Variants in CCDC148 observed in about 807,000 individuals in gnomAD.
CCDC148 encodes the protein coiled-coil domain-containing protein 148.
A neutral mutation model predicts 85.7 loss-of-function variants in CCDC148; 89 were observed. The ratio of observed to expected loss-of-function variants is 1.04; its 90% CI spans 0.87 to 1.24. CCDC148 has a LOEUF of 1.24. Ranked by LOEUF, CCDC148 falls within the 50% of genes most tolerant of loss-of-function variation. The pLI is 0.00. For missense variants in CCDC148, 692 were observed against 671.7 expected, an observed-to-expected ratio of 1.03 and a Z score of -0.33; for synonymous variants, 230 against 213.9, an observed-to-expected ratio of 1.08 and a Z score of -0.66.
chr2:158,396,392 G>T (rs547994158), intron 1 of CCDC148, among the ~76,000 whole-genome samples: 1 of 152,122 alleles, frequency 6.6e-6, no homozygotes, highest in Admixed American at 6.6e-5. Context: ...CCCCAACACT[G>T]AGGAAGAATG....
intron 10 of CCDC148, among the ~76,000 whole-genome samples, chr2:158,242,633 G>GTTTT (rs370301211): frequency 3.6e-5 from 5 of 139,068 alleles, no homozygotes; most frequent in Non-Finnish European, 3.1e-5. Flanking sequence ...CCACTCTGTA[G>GTTTT]TTTTTTTTTT....
intron 9 of CCDC148, among the ~76,000 whole-genome samples, chr2:158,307,290 G>A (rs1346070117): frequency 6.6e-6 from 1 of 152,002 alleles, no homozygotes; most frequent in Non-Finnish European, 1.5e-5. Context: ...TCACAAAAGA[G>A]GATACCCAAA....
chr2:158,384,803 C>T (rs1348701081), intron 1 of CCDC148, among the ~76,000 whole-genome samples: 1 of 152,110 alleles, frequency 6.6e-6, no homozygotes, highest in Non-Finnish European at 1.5e-5. Flanking sequence ...GGCTTCTGTG[C>T]CCTATGTCTT....
intron 10 of CCDC148, among the ~76,000 whole-genome samples, chr2:158,245,790 C>A (rs972931587): frequency 6.6e-6 from 1 of 152,074 alleles, no homozygotes; most frequent in African/African-American, 2.4e-5. Flanking sequence ...TACAATAGCT[C>A]CCAGGGATCA....
intron 9 of CCDC148, among the ~76,000 whole-genome samples, chr2:158,300,472 A>C (rs1157372169): frequency 6.6e-6 from 1 of 152,230 alleles, no homozygotes. Flanking sequence ...TAGGGAGAAC[A>C]AAGAGTGTAT....
At chr2:158,332,235 G>T (rs1421715633) in intron 7 of CCDC148, among the ~76,000 whole-genome samples, 1 of 151,898 alleles carries the variant, frequency 6.6e-6, no homozygotes, top group Non-Finnish European at 1.5e-5. Context: ...TTGTTTGTCT[G>T]TAAAGGATTT....
intron 8 of CCDC148, among the ~76,000 whole-genome samples, chr2:158,313,297 G>C (rs1574604573): frequency 6.6e-6 from 1 of 152,312 alleles, no homozygotes. Flanking sequence ...TGTTGTGGTG[G>C]GGAAGAGATA....
chr2:158,252,499 G>C (rs375074863), intron 9 of CCDC148, among the ~76,000 whole-genome samples: 1 of 151,550 alleles, frequency 6.6e-6, no homozygotes, highest in Non-Finnish European at 1.5e-5. Flanking sequence ...ATCCCATCAC[G>C]TATTACCAGT....
rs566761372 is a variant in CCDC148, at chr2:158,220,638, G to C, written c.1327C>G (p.Leu443Val). ...GACTGTTCAGCGATTAATTTCTTCA[G>C]TTCTTCTAGACGCTGAAGATCTCTC... is the stretch of plus-strand genomic sequence containing the variant. ...EMRDLQRLEE[L>V]KKLIAEQSLK... The change falls in exon 11 of 14, where the codon CTG becomes GTG. Residue 443 changes from leucine to valine, a missense_variant. Transcript: ENST00000283233. 1 of 1,600,760 alleles carries C rather than the reference G, an allele frequency of 6.2e-7. No homozygotes were observed. The highest frequency in any genetic ancestry group is 1.1e-5 in the South Asian group (1 of 87,524).
intron 11 of CCDC148, among the ~76,000 whole-genome samples, chr2:158,192,215 A>ACCCT (rs1232574014): frequency 6.6e-6 from 1 of 151,884 alleles, no homozygotes; most frequent in African/African-American, 2.4e-5. Context: ...ACCTCAAGAA[A>ACCCT]CCCTGTCTTT....
intron 10 of CCDC148, among the ~76,000 whole-genome samples, chr2:158,229,601 G>A (rs189510763): frequency 8.1e-4 from 123 of 152,236 alleles, no homozygotes; most frequent in African/African-American, 2.8e-3. Context: ...TTTCATCAGA[G>A]CAAACAGAAG....
chr2:158,242,305 C>T (rs540256625), intron 10 of CCDC148, among the ~76,000 whole-genome samples: 1 of 152,248 alleles, frequency 6.6e-6, no homozygotes, highest in African/African-American at 2.4e-5. Context: ...TAACTGCCTT[C>T]TGCTCTACCA....
At chr2:158,331,538 C>G (rs1325426166) in intron 7 of CCDC148, among the ~76,000 whole-genome samples, 1 of 152,148 alleles carries the variant, frequency 6.6e-6, no homozygotes, top group African/African-American at 2.4e-5. Flanking sequence ...TGGTGCAGAG[C>G]TGAGTTCAAA....
chr2:158,443,662 TA>T (rs1007970855), intron 1 of CCDC148, among the ~76,000 whole-genome samples: 1 of 151,896 alleles, frequency 6.6e-6, no homozygotes, highest in South Asian at 2.1e-4. Context: ...TCTTTCAAAA[TA>T]AAAAAAATCA....
At chr2:158,287,352 G>C (rs1054681703) in intron 9 of CCDC148, among the ~76,000 whole-genome samples, 3 of 152,004 alleles carry the variant, frequency 2.0e-5, no homozygotes, top group African/African-American at 7.3e-5. Context: ...GCTCATTTCA[G>C]CATTAACCCA....
chr2:158,421,204 C>G (rs1361534192), intron 1 of CCDC148, among the ~76,000 whole-genome samples: 2 of 152,100 alleles, frequency 1.3e-5, no homozygotes, highest in Non-Finnish European at 1.5e-5. Flanking sequence ...ACAAGGATAT[C>G]CAGGAATTGA....
chr2:158,329,384 T>C (rs1281150863), intron 7 of CCDC148, among the ~76,000 whole-genome samples: 1 of 152,244 alleles, frequency 6.6e-6, no homozygotes, highest in Non-Finnish European at 1.5e-5. Context: ...ATCTCTGTTT[T>C]GGTACCAGTA....
intron 9 of CCDC148, among the ~76,000 whole-genome samples, chr2:158,276,294 C>T (rs1014018666): frequency 5.3e-5 from 8 of 152,068 alleles, no homozygotes; most frequent in African/African-American, 1.7e-4. Flanking sequence ...TTTAGCCGGG[C>T]CTGGTGGCAT....
At chr2:158,425,807 T>C (rs563454927) in intron 1 of CCDC148, among the ~76,000 whole-genome samples, 1 of 152,290 alleles carries the variant, frequency 6.6e-6, no homozygotes, top group South Asian at 2.1e-4. Flanking sequence ...ACCACATCTT[T>C]GGATGATGTT....
Sources: allele counts gnomAD v4.1 joint callset (sites outside exome capture counted in the v4.1 genomes callset), GRCh38; gene constraint gnomAD v4.1.1; transcripts MANE v1.5; gene names NCBI Gene and HGNC (gene_info 2026-07-23, HGNC 2026-07-21).